The following UNC79 variants were observed in gnomAD, a reference collection of about 807,000 sequenced individuals.
The protein encoded by UNC79 is unc-79 subunit of NALCN channel complex.
Under a neutral mutation model 283.1 loss-of-function variants are expected in UNC79, and 37 were observed. The ratio of observed to expected loss-of-function variants is 0.13; its 90% CI spans 0.10 to 0.17. The LOEUF (loss-of-function observed/expected upper bound fraction) is 0.17, where lower values mean the gene tolerates loss of function less well. UNC79 is among the 10% of genes least tolerant of loss of function. UNC79 has a pLI of 1.00. For missense variants in UNC79, 2,272 were observed against 3,211.1 expected (o/e 0.71, Z 7.07); for synonymous variants, 1,107 against 1,200.2 (o/e 0.92, Z 1.61).
intron 14 of UNC79, among the ~76,000 whole-genome samples, chr14:93,545,313 C>A (rs1374957500): frequency 1.3e-5 from 2 of 152,296 alleles, no homozygotes; most frequent in Non-Finnish European, 2.9e-5. Flanking sequence ...TTGGTCTGAT[C>A]ATTTGCACAA....
intron 1 of UNC79, among the ~76,000 whole-genome samples, chr14:93,378,484 G>T (rs1034166701): frequency 2.0e-5 from 3 of 148,138 alleles, no homozygotes; most frequent in Admixed American, 6.8e-5. Context: ...TTCAGATTTT[G>T]TTTTTTTTTC....
intron 4 of UNC79, among the ~76,000 whole-genome samples, chr14:93,481,750 G>GA (rs1248899415): frequency 6.6e-6 from 1 of 152,004 alleles, no homozygotes; most frequent in African/African-American, 2.4e-5. Flanking sequence ...ATAACACATA[G>GA]AAAAAACAGT....
At chr14:93,377,244 C>T (rs1208278858) in intron 1 of UNC79, among the ~76,000 whole-genome samples, 2 of 152,012 alleles carry the variant, frequency 1.3e-5, no homozygotes, top group African/African-American at 2.4e-5. Flanking sequence ...CGCCCGCCAC[C>T]ATGCCTGGCT....
chr14:93,611,925 A>G (rs949756742), intron 26 of UNC79, among the ~76,000 whole-genome samples: 1 of 152,230 alleles, frequency 6.6e-6, no homozygotes, highest in African/African-American at 2.4e-5. Context: ...TCCTTCTCCC[A>G]AAGTCCTGAA....
chr14:93,642,047 G>A (rs77934720), intron 33 of UNC79, among the ~76,000 whole-genome samples: 1,965 of 152,038 alleles, frequency 0.013, 49 homozygotes, highest in East Asian at 0.073. Flanking sequence ...TCAATTAAAC[G>A]TCTTTCCTTT....
chr14:93,396,197 A>T (rs1595427557), intron 1 of UNC79, among the ~76,000 whole-genome samples: 4 of 137,914 alleles, frequency 2.9e-5, no homozygotes, highest in Admixed American at 7.1e-5. Flanking sequence ...TTTTCCTTTC[A>T]GTTTTTGTTA....
At chr14:93,670,321 A>G (rs1398807348) in intron 40 of UNC79, among the ~76,000 whole-genome samples, 1 of 152,168 alleles carries the variant, frequency 6.6e-6, no homozygotes, top group African/African-American at 2.4e-5. Context: ...ACTGTCCTCC[A>G]TCTCCCACCT....
chr14:93,347,066 A>C, intron 1 of UNC79: 2 of 536,972 alleles, frequency 3.7e-6, no homozygotes, highest in East Asian at 3.2e-5. Flanking sequence ...AGGGCAGTAC[A>C]GAGAAAGGAG....
chr14:93,521,607 A>T (rs2060324255), intron 7 of UNC79, among the ~76,000 whole-genome samples: 1 of 151,680 alleles, frequency 6.6e-6, no homozygotes. Flanking sequence ...CTCAAGGATC[A>T]CTGCCCTGTA....
At chr14:93,343,391 T>A (rs1310824849) in intron 1 of UNC79, among the ~76,000 whole-genome samples, 2 of 152,234 alleles carry the variant, frequency 1.3e-5, no homozygotes, top group East Asian at 3.8e-4. Flanking sequence ...ATGTTGCCAG[T>A]TGCAGAACTT....
chr14:93,363,902 A>G (rs1412069342), intron 1 of UNC79, among the ~76,000 whole-genome samples: 4 of 152,016 alleles, frequency 2.6e-5, no homozygotes, highest in South Asian at 4.2e-4. Context: ...TTGTATTTTT[A>G]GTAGAGACAG....
intron 1 of UNC79, among the ~76,000 whole-genome samples, chr14:93,377,329 C>A (rs573530135): frequency 9.2e-5 from 14 of 151,998 alleles, no homozygotes; most frequent in Non-Finnish European, 1.6e-4. Flanking sequence ...CTCCTAACCT[C>A]GTGATCCACC....
chr14:93,604,906 G>A, intron 26 of UNC79: 1 of 1,582,904 alleles, frequency 6.3e-7, no homozygotes, highest in Non-Finnish European at 8.5e-7. Flanking sequence ...CTATGAGGTT[G>A]ACCAGGCATG....
At chr14:93,545,784 T>C (rs2061571520) in intron 14 of UNC79, among the ~76,000 whole-genome samples, 3 of 152,176 alleles carry the variant, frequency 2.0e-5, no homozygotes, top group Admixed American at 6.5e-5. Context: ...GAATTGAGTA[T>C]AGAAAGAGTT....
In UNC79 at chr14:93,522,977, T is replaced by C. The variant is rs1423740293; in HGVS notation, c.899-1001T>C. Among the ~76,000 whole-genome samples the C allele has an allele frequency of 2.6e-5, 4 of 152,158 alleles. 1 individual carries two copies. Among genetic ancestry groups the C allele is most frequent in the African/African-American group, 9.7e-5 (4 of 41,442 alleles). On this transcript the variant is annotated intron_variant, in intron 7 of 48. Coordinates refer to ENST00000555664, the Ensembl canonical transcript of UNC79. ...CTCGGATCATTAATAATATATATTT[T>C]TGAATTATAATTGAATATGTAACTA...
intron 1 of UNC79, among the ~76,000 whole-genome samples, chr14:93,353,688 C>A (rs1230718786): frequency 6.6e-6 from 1 of 152,184 alleles, no homozygotes; most frequent in Non-Finnish European, 1.5e-5. Context: ...AAACCTGAAA[C>A]CTTTCTCTCC....
chr14:93,690,315 C>T lies in UNC79; in HGVS notation c.7272+12C>T. The T allele has an allele frequency of 6.2e-7, 1 of 1,612,038 alleles. No individual in the cohort carries two copies. The highest frequency in any genetic ancestry group is 8.5e-7 in the Non-Finnish European group (1 of 1,178,834). On this transcript the variant is annotated intron_variant, in intron 45 of 48. Transcript: ENST00000555664. The surrounding 1 kb of genome is among the most constrained non-coding windows in gnomAD (Gnocchi z 4.3). ...CAGAGCAATCAAAGGTAAGTGATTT[C>T]TGCAAGATTAAGACCGTATGCATCG...
At chr14:93,599,946 A>C (rs1271896881) in intron 24 of UNC79, among the ~76,000 whole-genome samples, 1 of 152,212 alleles carries the variant, frequency 6.6e-6, no homozygotes, top group Non-Finnish European at 1.5e-5. Context: ...TCGCGCCTGT[A>C]ATCCCAGCAC....
At chr14:93,609,547 A>G (rs1159857560) in intron 26 of UNC79, among the ~76,000 whole-genome samples, 2 of 152,180 alleles carry the variant, frequency 1.3e-5, no homozygotes, top group Non-Finnish European at 2.9e-5. Context: ...CTCTTTATAG[A>G]AAATATAACG....
Sources: gnomAD v4.1 joint callset for allele counts (sites outside exome capture counted in the v4.1 genomes callset) on GRCh38, gnomAD v4.1.1 for gene constraint, Gnocchi (gnomAD v3.1) non-coding constraint, MANE v1.5 for transcripts, NCBI Gene and HGNC (gene_info 2026-07-23, HGNC 2026-07-21) for gene names.